Variants in PDIA3 observed in about 807,000 individuals in gnomAD.
PDIA3 encodes the protein protein disulfide-isomerase A3.
In PDIA3, 16 loss-of-function variants were observed where a neutral mutation model predicts 56.9. That is an observed-to-expected ratio of 0.28 (90% CI 0.19 to 0.43). PDIA3 has a LOEUF of 0.43. Ranked by LOEUF, PDIA3 falls within the 20% of genes least tolerant of loss-of-function variation. The pLI is 1.00. For synonymous variants in PDIA3, 192 were observed against 216.5 expected, an observed-to-expected ratio of 0.89 and a Z score of 0.99; for missense variants, 485 against 621.3, an observed-to-expected ratio of 0.78 and a Z score of 2.33.
chr15:43,771,177 G>T lies in PDIA3; in HGVS notation c.1477G>T (p.Glu493Ter). ...TACAAACCCCCCTGTAATTCAAGAA[G>T]AAAAACCCAAGAAGAAGAAGAAGGC... is the stretch of plus-strand genomic sequence containing the variant. The part of the protein sequence containing the change: ...EATNPPVIQE[E>*]KPKKKKKAQE... The change falls in exon 13 of 13, where the codon GAA becomes TAA. Residue 493 changes from glutamate to a stop codon, truncating the protein, a stop_gained. Coordinates refer to ENST00000300289, the MANE Select transcript of PDIA3 (RefSeq NM_005313.5). LOFTEE classifies it high-confidence loss of function. The T allele has an allele frequency of 6.2e-7, 1 of 1,612,306 alleles. No individual in the cohort carries two copies. Among genetic ancestry groups the T allele is most frequent in the Non-Finnish European group, 8.5e-7 (1 of 1,179,742 alleles).
chr15:43,751,150 A>T lies in PDIA3; in HGVS notation c.168-2674A>T, dbSNP rs568962985. Among the ~76,000 whole-genome samples, 298 of 38,062 alleles carry T rather than the reference A, an allele frequency of 7.8e-3. 1 individual carries two copies. Among genetic ancestry groups the T allele is most frequent in the Non-Finnish European group, 0.038 (219 of 5,694 alleles). 25.0% of individuals were successfully genotyped at this position (38,062 alleles called of 152,430 possible). A position where few individuals can be genotyped will look rare whatever the true frequency, so the allele number is the denominator to read the frequency against. ...CCGTCTCGAAAAAAAAAAAAAAAAT[A>T]ATATATGTGCTAATTTCTTTACTTG... On this transcript the variant is annotated intron_variant, in intron 1 of 12. Coordinates refer to ENST00000300289, the MANE Select transcript of PDIA3 (RefSeq NM_005313.5).
chr15:43,752,027 A>T, intron 1 of PDIA3, among the ~76,000 whole-genome samples: 1 of 152,286 alleles, frequency 6.6e-6, no homozygotes, highest in East Asian at 1.9e-4. Flanking sequence ...CATGTGAAAT[A>T]TATTATCTTC....
At position 43,768,569 on chromosome 15, in the gene PDIA3, T is replaced by C. The variant is rs957289082; in HGVS notation, c.1109T>C (p.Ile370Thr). Residue 370 changes from isoleucine to threonine, a missense_variant, in exon 9 of 13, where the codon ATC (isoleucine) becomes ACC (threonine). By Grantham distance (89) the Ile-to-Thr change is moderately conservative. Transcript: ENST00000300289. ...AAGAGATACCTGAAGTCTGAACCTA[T>C]CCCAGAGAGCAATGATGGGCCTGTG... is the stretch of plus-strand genomic sequence containing the variant. ...NLKRYLKSEP[I>T]PESNDGPVKV... 6.2e-7 allele frequency: 1 copy of C among 1,612,918 alleles called. No homozygotes were observed.
At chr15:43,760,405 G>T (rs67352948) in intron 3 of PDIA3, among the ~76,000 whole-genome samples, 28 of 36,246 alleles carry the variant, frequency 7.7e-4, no homozygotes, top group Middle Eastern at 0.013. Context: ...AAAAAATAAA[G>T]AAAAGAAAAA....
At chr15:43,768,427 G>A (rs2086861626) in intron 8 of PDIA3, 62 bp from the exon 9 acceptor site, 2 of 1,219,162 alleles carry the variant, frequency 1.6e-6, no homozygotes, top group East Asian at 2.4e-5. Flanking sequence ...CAAAGAAATT[G>A]CTGTAATTTT....
chr15:43,755,307 G>A (rs1288687502), intron 2 of PDIA3, among the ~76,000 whole-genome samples: 1 of 151,886 alleles, frequency 6.6e-6, no homozygotes. Context: ...CAGCCTGGGC[G>A]ACAGAGCAAG....
At chr15:43,753,264 G>A (rs1400053451) in intron 1 of PDIA3, among the ~76,000 whole-genome samples, 2 of 152,170 alleles carry the variant, frequency 1.3e-5, no homozygotes, top group African/African-American at 4.8e-5. Context: ...TGTCAGTAGA[G>A]ACGGGGTTTC....
rs189492706 is a variant in PDIA3 at position 43,748,466 on chromosome 15, G to A, written c.167+1760G>A. On this transcript the variant is annotated intron_variant, in intron 1 of 12. Transcript: ENST00000300289. ...GCACTCCAGCCTGGGCAACAAGAGC[G>A]AAACTCTGTCTCAAAAAAAAAAACC... 2.6e-3 allele frequency among the ~76,000 whole-genome samples: 392 copies of A among 151,684 alleles called. 1 individual carries two copies. Among genetic ancestry groups the A allele is most frequent in the African/African-American group, 6.8e-3 (280 of 41,380 alleles).
chr15:43,768,667 G>T, intron 9 of PDIA3, 70 bp downstream of exon 9: 4 of 1,022,914 alleles, frequency 3.9e-6, no homozygotes, highest in East Asian at 2.4e-5. Flanking sequence ...CAAAACTGTG[G>T]GGTCTAAATG....
chr15:43,755,391 T>C (rs1271557514), intron 2 of PDIA3, among the ~76,000 whole-genome samples: 1 of 152,176 alleles, frequency 6.6e-6, no homozygotes, highest in Admixed American at 6.6e-5. Context: ...ATCACAATGA[T>C]GGTAATACGA....
intron 5 of PDIA3, among the ~76,000 whole-genome samples, chr15:43,764,865 C>T (rs1295908572): frequency 2.0e-5 from 3 of 152,136 alleles, no homozygotes; most frequent in African/African-American, 7.2e-5. Context: ...CCTGGTCCAA[C>T]GTGTTTGGAA....
rs761992133 is a variant in PDIA3, at chr15:43,765,920, T to C, written c.753T>C (p.Asn251=). The change falls in exon 7 of 13, where the codon AAT becomes AAC. Residue 251 remains asparagine, a synonymous_variant. Transcript: ENST00000300289. ...FGICPHMTED[N]KDLIQGKDLL... Reference sequence around the variant, plus strand: ...TCTGCCCTCACATGACAGAAGACAATAAAGATTTGATACAGGGCAAGGACT... The same window carrying C: ...TCTGCCCTCACATGACAGAAGACAACAAAGATTTGATACAGGGCAAGGACT... 1.9e-6 allele frequency: 3 copies of C among 1,613,028 alleles called. No individual in the cohort carries two copies. The Admixed American group carries it at 5.0e-5, about 27-fold the overall frequency.
intron 4 of PDIA3, among the ~76,000 whole-genome samples, chr15:43,762,634 A>G (rs1486124689): frequency 6.6e-6 from 1 of 152,110 alleles, no homozygotes; most frequent in Admixed American, 6.6e-5. Flanking sequence ...AGGAGTTAGC[A>G]TGTATTTATT....
intron 7 of PDIA3, among the ~76,000 whole-genome samples, chr15:43,766,487 C>T (rs1043208347): frequency 2.0e-5 from 3 of 152,176 alleles, no homozygotes; most frequent in Non-Finnish European, 4.4e-5. Flanking sequence ...TATATTACAG[C>T]AAGATTTAGC....
At chr15:43,759,131 A>C (rs1047170723) in intron 3 of PDIA3, among the ~76,000 whole-genome samples, 2 of 152,132 alleles carry the variant, frequency 1.3e-5, no homozygotes, top group African/African-American at 4.8e-5. Context: ...TCTACTAAAA[A>C]TACAAAAAAT....
chr15:43,766,876 A>G lies in PDIA3; in HGVS notation c.994A>G (p.Lys332Glu). 6.2e-7 allele frequency: 1 copy of G among 1,614,100 alleles called. No homozygotes were observed. Among genetic ancestry groups the G allele is most frequent in the Non-Finnish European group, 8.5e-7 (1 of 1,179,952 alleles). Residue 332 changes from lysine to glutamate, a missense_variant, in exon 8 of 13, where the codon AAA becomes GAA. Coordinates refer to ENST00000300289, the MANE Select transcript of PDIA3 (RefSeq NM_005313.5). ...TCCTGTTGTTGCTATCAGAACTGCTAAAGGAGAGAAGTTTGTCATGCAGGA... is the reference window on the plus strand; with the variant it reads ...TCCTGTTGTTGCTATCAGAACTGCTGAAGGAGAGAAGTTTGTCATGCAGGA... ...EIPVVAIRTA[K>E]GEKFVMQEEF...
intron 1 of PDIA3, among the ~76,000 whole-genome samples, chr15:43,748,526 T>C (rs566184866): frequency 6.6e-6 from 1 of 152,250 alleles, no homozygotes; most frequent in East Asian, 1.9e-4. Context: ...GGGTGTTTCC[T>C]ACTTTAAATT....
At chr15:43,770,725 A>G (rs770785230) in intron 12 of PDIA3, 145 bp downstream of exon 12, 59 of 647,344 alleles carry the variant, frequency 9.1e-5, no homozygotes, top group Non-Finnish European at 1.2e-4. Flanking sequence ...CTGGAGTGCA[A>G]TGGCGTGATC....
intron 2 of PDIA3, among the ~76,000 whole-genome samples, chr15:43,754,593 C>T (rs930803580): frequency 1.3e-5 from 2 of 151,438 alleles, no homozygotes; most frequent in Admixed American, 6.6e-5. Flanking sequence ...TGTGTTGGCT[C>T]ACACCTGTAG....
Sources: allele counts gnomAD v4.1 joint callset (sites outside exome capture counted in the v4.1 genomes callset), GRCh38; gene constraint gnomAD v4.1.1; transcripts MANE v1.5; gene names NCBI Gene and HGNC (gene_info 2026-07-23, HGNC 2026-07-21).